The following DENND1B variants were observed in gnomAD, a reference collection of about 807,000 sequenced individuals.
DENND1B encodes the protein DENN domain-containing protein 1B.
Under a neutral mutation model 90.1 loss-of-function variants are expected in DENND1B, and 59 were observed. The observed-to-expected ratio is 0.65, with a 90% CI of 0.53 to 0.81. The LOEUF is 0.81. Among genes scored for constraint, DENND1B ranks in the 40% least tolerant of loss-of-function variants. DENND1B has a pLI of 0.00. For synonymous variants in DENND1B, 337 were observed against 324.6 expected, an observed-to-expected ratio of 1.04 and a Z score of -0.41; for missense variants, 862 against 912.6, an observed-to-expected ratio of 0.94 and a Z score of 0.71.
At chr1:197,727,369 A>C (rs1320006798) in intron 2 of DENND1B, among the ~76,000 whole-genome samples, 1 of 151,980 alleles carries the variant, frequency 6.6e-6, no homozygotes, top group Non-Finnish European at 1.5e-5. Context: ...CCCCATCTCT[A>C]CTAAAAATAC....
chr1:197,565,879 C>T (rs1276482983), intron 15 of DENND1B, among the ~76,000 whole-genome samples: 1 of 146,582 alleles, frequency 6.8e-6, no homozygotes, highest in Admixed American at 6.8e-5. Context: ...TTTCTTAATC[C>T]AGTCTATCAT....
At chr1:197,630,198 T>C (rs1299764679) in intron 10 of DENND1B, among the ~76,000 whole-genome samples, 1 of 152,116 alleles carries the variant, frequency 6.6e-6, no homozygotes, top group Non-Finnish European at 1.5e-5. Flanking sequence ...CTTAGGATGG[T>C]ATCTTAGTCT....
chr1:197,551,250 A>G (rs1261413103), intron 16 of DENND1B, among the ~76,000 whole-genome samples: 1 of 152,162 alleles, frequency 6.6e-6, no homozygotes, highest in Non-Finnish European at 1.5e-5. Context: ...ATAAAATAAC[A>G]TAACACAGAA....
At chr1:197,745,393 T>C (rs1663618829) in intron 2 of DENND1B, among the ~76,000 whole-genome samples, 1 of 152,094 alleles carries the variant, frequency 6.6e-6, no homozygotes, top group African/African-American at 2.4e-5. Flanking sequence ...TGTAGGGTTA[T>C]CAATTGGCCT....
intron 2 of DENND1B, among the ~76,000 whole-genome samples, chr1:197,745,595 T>A (rs200535206): frequency 6.9e-6 from 1 of 145,072 alleles, no homozygotes; most frequent in Non-Finnish European, 1.5e-5. Context: ...AGATCACTGA[T>A]AACAGATCAC....
intron 15 of DENND1B, among the ~76,000 whole-genome samples, chr1:197,555,748 T>C (rs1159631112): frequency 6.6e-6 from 1 of 152,112 alleles, no homozygotes; most frequent in African/African-American, 2.4e-5. Context: ...ACTTATACAC[T>C]GTCGGTGAGA....
At chr1:197,630,004 C>A (rs987228243) in intron 10 of DENND1B, among the ~76,000 whole-genome samples, 3 of 151,948 alleles carry the variant, frequency 2.0e-5, no homozygotes, top group African/African-American at 7.2e-5. Context: ...CAATGAGATA[C>A]CACTACGCAC....
Position 197,586,035 on chromosome 1 carries a change from T to C in DENND1B, c.1048-2782A>G, listed in dbSNP as rs1445453228. 2.0e-5 allele frequency among the ~76,000 whole-genome samples: 3 copies of C among 152,314 alleles called. No individual in the cohort carries two copies. The East Asian group carries it at 5.8e-4, about 29-fold the overall frequency. On this transcript the variant is annotated intron_variant, in intron 14 of 22. Transcript: ENST00000620048. ...GACTAGTTTGTCAACTGATATGCAG[T>C]GATGTTTTTCAAAGTGTGATCCAAG... is the stretch of plus-strand genomic sequence containing the variant.
intron 2 of DENND1B, among the ~76,000 whole-genome samples, chr1:197,736,294 T>C (rs1041900654): frequency 6.6e-6 from 1 of 152,178 alleles, no homozygotes; most frequent in Non-Finnish European, 1.5e-5. Flanking sequence ...TCTACTCATT[T>C]TGAGACTTGG....
intron 20 of DENND1B, among the ~76,000 whole-genome samples, chr1:197,515,790 G>T (rs2125600670): frequency 6.6e-6 from 1 of 151,806 alleles, no homozygotes; most frequent in South Asian, 2.1e-4. Flanking sequence ...AATAAATCTG[G>T]AGTTATTCCA....
At chr1:197,565,703 C>G (rs1409845026) in intron 15 of DENND1B, among the ~76,000 whole-genome samples, 1 of 146,380 alleles carries the variant, frequency 6.8e-6, no homozygotes, top group Admixed American at 7.0e-5. Context: ...TGTGTTCTCA[C>G]TGTTCAATTC....
intron 10 of DENND1B, among the ~76,000 whole-genome samples, chr1:197,625,223 A>T (rs1333056012): frequency 6.6e-6 from 1 of 152,122 alleles, no homozygotes; most frequent in Non-Finnish European, 1.5e-5. Context: ...CAGATTCACC[A>T]AAGTTGAAAT....
chr1:197,535,615 C>A (rs548333845), intron 20 of DENND1B, among the ~76,000 whole-genome samples: 3 of 152,218 alleles, frequency 2.0e-5, no homozygotes, highest in African/African-American at 7.2e-5. Flanking sequence ...CATTGAAAAG[C>A]AAAATAGTGT....
chr1:197,628,853 A>G (rs540360114), intron 10 of DENND1B, among the ~76,000 whole-genome samples: 75 of 152,166 alleles, frequency 4.9e-4, no homozygotes, highest in African/African-American at 1.8e-3. Context: ...AACCCCATCA[A>G]AAAGTGGGCG....
At chr1:197,601,344 T>C (rs756024085) in intron 13 of DENND1B, among the ~76,000 whole-genome samples, 5 of 151,710 alleles carry the variant, frequency 3.3e-5, no homozygotes, top group Non-Finnish European at 7.4e-5. Context: ...CTCAGAAACA[T>C]AATTCATTTA....
intron 10 of DENND1B, among the ~76,000 whole-genome samples, chr1:197,638,316 G>A (rs1042419435): frequency 1.3e-5 from 2 of 152,172 alleles, no homozygotes; most frequent in Non-Finnish European, 2.9e-5. Context: ...CTTTCTGAGG[G>A]TGAATTTACT....
chr1:197,727,856 A>T (rs1661790735), intron 2 of DENND1B, among the ~76,000 whole-genome samples: 1 of 152,142 alleles, frequency 6.6e-6, no homozygotes, highest in African/African-American at 2.4e-5. Context: ...ATATACAGGG[A>T]CTGCTCCAAA....
At chr1:197,733,117 AAAAT>A (rs1662304018) in intron 2 of DENND1B, among the ~76,000 whole-genome samples, 1 of 152,222 alleles carries the variant, frequency 6.6e-6, no homozygotes, top group Admixed American at 6.5e-5. Context: ...ACACAACAAG[AAAAT>A]AAATATTCAG....
intron 18 of DENND1B, among the ~76,000 whole-genome samples, chr1:197,543,825 G>A (rs1225057968): frequency 3.3e-5 from 5 of 151,956 alleles, no homozygotes; most frequent in Non-Finnish European, 7.4e-5. Context: ...TTTTTAAACA[G>A]AAAGGGTGGC....
Sources: allele counts gnomAD v4.1 joint callset (sites outside exome capture counted in the v4.1 genomes callset), GRCh38; gene constraint gnomAD v4.1.1; transcripts MANE v1.5; gene names NCBI Gene and HGNC (gene_info 2026-07-23, HGNC 2026-07-21).